Variants in TENM3 observed in about 807,000 individuals in gnomAD.
TENM3 encodes teneurin-3.
In TENM3, 63 loss-of-function variants were observed where a neutral mutation model predicts 255.1. That is an observed-to-expected ratio of 0.25 (90% confidence interval 0.20 to 0.30). TENM3 has a LOEUF of 0.30. Ranked by LOEUF, TENM3 falls within the 10% of genes least tolerant of loss-of-function variation. The pLI, the probability that TENM3 is intolerant of heterozygous loss-of-function variation, is 1.00. For synonymous variants in TENM3, 1,306 were observed against 1,322.3 expected, an observed-to-expected ratio of 0.99 and a Z score of 0.27; for missense variants, 2,929 against 3,461.1, an observed-to-expected ratio of 0.85 and a Z score of 3.86.
intron 23 of TENM3, among the ~76,000 whole-genome samples, chr4:182,774,399 T>C (rs944284625): frequency 6.6e-6 from 1 of 152,242 alleles, no homozygotes; most frequent in Admixed American, 6.5e-5. Context: ...TATGAGCTTT[T>C]TTGTATAAAA....
chr4:182,568,559 G>T (rs1744030999), intron 3 of TENM3, among the ~76,000 whole-genome samples: 1 of 152,134 alleles, frequency 6.6e-6, no homozygotes, highest in Non-Finnish European at 1.5e-5. Context: ...TGCTGATAAG[G>T]ATTTGGTATG....
At chr4:181,890,198 T>C in the TENM3 span, among the ~76,000 whole-genome samples, 4 of 152,214 alleles carry the variant, frequency 2.6e-5, no homozygotes, top group Non-Finnish European at 5.9e-5. Context: ...TTAAGCTGTT[T>C]TGAATTAATG....
chr4:182,017,077 T>C, the TENM3 span, among the ~76,000 whole-genome samples: 1 of 152,146 alleles, frequency 6.6e-6, no homozygotes, highest in Non-Finnish European at 1.5e-5. Flanking sequence ...CAAAATTAAG[T>C]CTTTTGCTGA....
chr4:181,546,465 C>T, the TENM3 span, among the ~76,000 whole-genome samples: 11 of 151,294 alleles, frequency 7.3e-5, no homozygotes, highest in Admixed American at 6.6e-4. Context: ...CCTGTAATCC[C>T]AGCACTTTGG....
At chr4:181,612,383 A>AG in the TENM3 span, among the ~76,000 whole-genome samples, 1 of 152,272 alleles carries the variant, frequency 6.6e-6, no homozygotes, top group South Asian at 2.1e-4. Context: ...GTTTCAGCCC[A>AG]GGGGGGAAAT....
At chr4:181,895,562 T>G in the TENM3 span, among the ~76,000 whole-genome samples, 1 of 61,896 alleles carries the variant, frequency 1.6e-5, no homozygotes, top group South Asian at 5.7e-4. Flanking sequence ...TTTTTTTTTT[T>G]GAGACAGGAT....
rs767933252 is a variant in TENM3, at chr4:182,731,158, C to G, written c.2967+19C>G. The G allele has an allele frequency of 2.9e-5, 46 of 1,607,678 alleles. No individual in the cohort carries two copies. The highest frequency in any genetic ancestry group is 3.9e-5 in the Non-Finnish European group (46 of 1,176,654). On this transcript the variant is annotated intron_variant, in intron 16 of 27. Coordinates refer to ENST00000511685, the MANE Select transcript of TENM3 (RefSeq NM_001080477.4). Reference sequence around the variant, plus strand: ...AACACAGGTAAAATATTCTCACAGGCAGTACTTGTAAATACAAGATCTTCA... The same window carrying G: ...AACACAGGTAAAATATTCTCACAGGGAGTACTTGTAAATACAAGATCTTCA...
intron 3 of TENM3, among the ~76,000 whole-genome samples, chr4:182,426,021 A>AAAAAAAAAAAAAAAAAAAAAC (rs1771194805): frequency 6.6e-6 from 1 of 151,636 alleles, no homozygotes; most frequent in Non-Finnish European, 1.5e-5. Context: ...AAAAAAAAAA[A>AAAAAAAAAAAAAAAAAAAAAC]AAAAAAAAAC....
intron 1 of TENM3, among the ~76,000 whole-genome samples, chr4:182,304,072 G>A (rs774137695): frequency 1.3e-5 from 2 of 151,384 alleles, no homozygotes; most frequent in Non-Finnish European, 2.9e-5. Context: ...TCCAGTATTC[G>A]AGAGGAAAAT....
the TENM3 span, among the ~76,000 whole-genome samples, chr4:181,465,472 T>G: frequency 6.6e-6 from 1 of 152,218 alleles, no homozygotes; most frequent in East Asian, 1.9e-4. Context: ...ATTCTTGAAC[T>G]TCTCTCCTTG....
At chr4:181,478,497 A>C in the TENM3 span, among the ~76,000 whole-genome samples, 3 of 152,186 alleles carry the variant, frequency 2.0e-5, no homozygotes, top group African/African-American at 7.2e-5. Flanking sequence ...AAAGCCCTGA[A>C]CGTCCGTGCT....
chr4:182,704,041 A>T (rs1758089923), intron 12 of TENM3, among the ~76,000 whole-genome samples: 1 of 152,202 alleles, frequency 6.6e-6, no homozygotes, highest in Non-Finnish European at 1.5e-5. Context: ...TTTTTTAATT[A>T]ATGTTAAGAG....
intron 1 of TENM3, among the ~76,000 whole-genome samples, chr4:182,209,644 A>T (rs560690620): frequency 6.6e-6 from 1 of 152,290 alleles, no homozygotes; most frequent in Non-Finnish European, 1.5e-5. Flanking sequence ...CTTCAGGCAC[A>T]GTTAGTAATT....
chr4:181,888,520 A>ATATATATATATATATATATGTG, the TENM3 span, among the ~76,000 whole-genome samples: 17 of 92,174 alleles, frequency 1.8e-4, 1 homozygote, highest in African/African-American at 8.6e-4. Context: ...ATATATGTAT[A>ATATATATATATATATATATGTG]TATATACATA....
intron 1 of TENM3, among the ~76,000 whole-genome samples, chr4:182,265,721 T>C (rs1309542776): frequency 6.6e-6 from 1 of 152,208 alleles, no homozygotes; most frequent in Non-Finnish European, 1.5e-5. Context: ...TGTGTAGCTA[T>C]ATATGTGTTG....
chr4:182,463,364 A>G (rs149740362), intron 3 of TENM3, among the ~76,000 whole-genome samples: 2 of 152,284 alleles, frequency 1.3e-5, no homozygotes, highest in African/African-American at 4.8e-5. Context: ...TGAGATGGCC[A>G]CTGTCATTTA....
the TENM3 span, among the ~76,000 whole-genome samples, chr4:181,611,133 G>A: frequency 6.6e-6 from 1 of 152,192 alleles, no homozygotes; most frequent in Non-Finnish European, 1.5e-5. Context: ...TTGACTGATG[G>A]ATTTAAATTA....
chr4:182,741,371 A>G (rs187802741), intron 18 of TENM3, among the ~76,000 whole-genome samples: 1 of 152,338 alleles, frequency 6.6e-6, no homozygotes, highest in Non-Finnish European at 1.5e-5. Context: ...ATAGAAAGAC[A>G]TGAAGGAAGA....
At chr4:181,831,805 A>G in the TENM3 span, among the ~76,000 whole-genome samples, 1 of 152,118 alleles carries the variant, frequency 6.6e-6, no homozygotes, top group South Asian at 2.1e-4. Context: ...AACAGACAAA[A>G]TATGGACTAT....
Sources: allele counts gnomAD v4.1 joint callset (sites outside exome capture counted in the v4.1 genomes callset), GRCh38; gene constraint gnomAD v4.1.1; transcripts MANE v1.5; gene names NCBI Gene and HGNC (gene_info 2026-07-23, HGNC 2026-07-21).